RASSF3: variants seen among roughly 807,000 people sequenced by gnomAD.
RASSF3 encodes the protein Ras association domain family member 3.
RASSF3 carries 19 observed loss-of-function variants against 19.9 expected under a neutral mutation model. That is an observed-to-expected ratio of 0.96 (90% CI 0.67 to 1.40). The LOEUF (loss-of-function observed/expected upper bound fraction) is 1.40. Among genes scored for constraint, RASSF3 ranks in the 40% most tolerant of loss-of-function variants. RASSF3 has a pLI of 0.00. For missense variants in RASSF3, 306 were observed against 289.8 expected (o/e 1.06, Z -0.41); for synonymous variants, 110 against 104.2 (o/e 1.06, Z -0.34).
intron 1 of RASSF3, among the ~76,000 whole-genome samples, chr12:64,620,014 C>CTGTGTGTGTGTGTGTGTGTG (rs68044550): frequency 0.052 from 7,016 of 134,028 alleles, 254 homozygotes; most frequent in Non-Finnish European, 0.074. Context: ...TGCAGGTTGA[C>CTGTGTGTGTGTGTGTGTGTG]TGTGTGTGTG....
upstream of RASSF3, among the ~76,000 whole-genome samples, chr12:64,529,463 A>T: frequency 6.6e-6 from 1 of 152,212 alleles, no homozygotes; most frequent in East Asian, 1.9e-4. Context: ...CCATTCAATC[A>T]GAGCCAATCC....
chr12:64,682,287 G>T (rs1056619002), intron 1 of RASSF3, among the ~76,000 whole-genome samples: 13 of 152,110 alleles, frequency 8.5e-5, no homozygotes, highest in Non-Finnish European at 1.6e-4. Flanking sequence ...GATAGGCCGG[G>T]CGCCACGAGA....
intron 1 of RASSF3, among the ~76,000 whole-genome samples, chr12:64,523,832 C>T (rs1377917918): frequency 1.3e-5 from 2 of 151,712 alleles, no homozygotes; most frequent in Non-Finnish European, 2.9e-5. Flanking sequence ...CTCAGCTTCC[C>T]GAGTAGCTGG....
At chr12:64,529,285 C>A (rs79832878), upstream of RASSF3, among the ~76,000 whole-genome samples, 693 of 152,240 alleles carry the variant, frequency 4.6e-3, 4 homozygotes, top group African/African-American at 0.016. Context: ...CCACATTAAG[C>A]TAATTATTAC....
Position 64,517,428 on chromosome 12 carries a change from GA to G in RASSF3, c.169+10102del, listed in dbSNP as rs370833072. Among the ~76,000 whole-genome samples, 143 of 152,044 alleles carry G rather than the reference GA, an allele frequency of 9.4e-4. 1 individual carries two copies. Among genetic ancestry groups the G allele is most frequent in the African/African-American group, 3.3e-3 (138 of 41,494 alleles). On this transcript the variant is annotated intron_variant, in intron 1 of 5. Coordinates refer to the RASSF3 transcript ENST00000637125. Reference sequence around the variant, plus strand: ...TGGAAGAATAAACATGGAAGAATATGAAAGAAGATATTAACCCTACCAGATA... The same window carrying G: ...TGGAAGAATAAACATGGAAGAATATGAAGAAGATATTAACCCTACCAGATA...
chr12:64,673,258 T>A lies in RASSF3; in HGVS notation c.112-11529T>A, dbSNP rs1260155339. On this transcript the variant is annotated intron_variant, in intron 1 of 4. Coordinates refer to ENST00000542104, the MANE Select transcript of RASSF3 (RefSeq NM_178169.4). ...CTGGGTGACGCCTTGAACAGTGAGA[T>A]GTTATATATAATCTTGAATTTGGGG... 3.9e-5 allele frequency among the ~76,000 whole-genome samples: 6 copies of A among 152,288 alleles called. No individual in the cohort carries two copies. The East Asian group carries it at 5.8e-4, about 15-fold the overall frequency.
intron 2 of RASSF3, among the ~76,000 whole-genome samples, chr12:64,581,587 T>C (rs939390153): frequency 1.3e-5 from 2 of 152,000 alleles, no homozygotes; most frequent in African/African-American, 4.8e-5. Context: ...GGTATGGTGG[T>C]GTATGCCTGC....
At chr12:64,551,571 G>A (rs1869164170) in intron 2 of RASSF3, among the ~76,000 whole-genome samples, 1 of 152,120 alleles carries the variant, frequency 6.6e-6, no homozygotes, top group Non-Finnish European at 1.5e-5. Flanking sequence ...GTAAGACCCT[G>A]TCTCAAAAAT....
At chr12:64,520,122 C>T (rs1476056353) in intron 1 of RASSF3, among the ~76,000 whole-genome samples, 1 of 151,294 alleles carries the variant, frequency 6.6e-6, no homozygotes, top group Admixed American at 6.6e-5. Context: ...ATGGTAGCCT[C>T]TAAATCTAGC....
At chr12:64,542,185 A>C (rs1254555708), downstream of RASSF3, among the ~76,000 whole-genome samples, 1 of 152,148 alleles carries the variant, frequency 6.6e-6, no homozygotes, top group African/African-American at 2.4e-5. Context: ...GTGTGGTGGC[A>C]TGTGCCTGTG....
At chr12:64,690,338 T>C (rs972386862) in intron 3 of RASSF3, among the ~76,000 whole-genome samples, 6 of 151,976 alleles carry the variant, frequency 3.9e-5, no homozygotes, top group Non-Finnish European at 8.8e-5. Context: ...CCCACCACCA[T>C]GCCCAGCTAA....
At chr12:64,595,602 A>G (rs963274494) in intron 2 of RASSF3, among the ~76,000 whole-genome samples, 10 of 152,128 alleles carry the variant, frequency 6.6e-5, no homozygotes, top group East Asian at 5.8e-4. Flanking sequence ...TTTTTTGTCA[A>G]TCTAATTTGT....
chr12:64,522,869 A>T (rs931402848), intron 1 of RASSF3, among the ~76,000 whole-genome samples: 2 of 152,158 alleles, frequency 1.3e-5, no homozygotes, highest in African/African-American at 4.8e-5. Flanking sequence ...AAAGGTGGGG[A>T]AAAGTGTATC....
chr12:64,574,411 T>C (rs763438078), intron 2 of RASSF3, among the ~76,000 whole-genome samples: 20 of 151,990 alleles, frequency 1.3e-4, no homozygotes, highest in Non-Finnish European at 2.5e-4. Flanking sequence ...ATTCTGGAAA[T>C]AAGATATAAA....
intron 1 of RASSF3, among the ~76,000 whole-genome samples, chr12:64,641,622 C>T (rs1333612513): frequency 2.1e-5 from 3 of 140,704 alleles, no homozygotes; most frequent in African/African-American, 5.3e-5. Context: ...ATGGTGAGAC[C>T]CCATCTCTCT....
intron 1 of RASSF3, among the ~76,000 whole-genome samples, chr12:64,672,567 A>C (rs1172434175): frequency 6.6e-6 from 1 of 152,120 alleles, no homozygotes; most frequent in Non-Finnish European, 1.5e-5. Flanking sequence ...TCTGTTGCCC[A>C]GGCTGAGTCA....
chr12:64,519,046 C>G (rs933043726), intron 1 of RASSF3, among the ~76,000 whole-genome samples: 3 of 152,140 alleles, frequency 2.0e-5, no homozygotes, highest in African/African-American at 4.8e-5. Context: ...CATGATTGAT[C>G]ATGCATGGGT....
intron 1 of RASSF3, among the ~76,000 whole-genome samples, chr12:64,635,781 G>T (rs1746500782): frequency 1.3e-5 from 2 of 152,174 alleles, no homozygotes; most frequent in African/African-American, 4.8e-5. Flanking sequence ...TTGTGCATGT[G>T]TGTGGAGCCT....
intron 1 of RASSF3, among the ~76,000 whole-genome samples, chr12:64,666,786 C>G (rs1190572086): frequency 2.0e-5 from 3 of 152,176 alleles, no homozygotes; most frequent in Non-Finnish European, 4.4e-5. Flanking sequence ...CTGTTGTATT[C>G]CAGTGCCTGA....
Sources: allele counts gnomAD v4.1 joint callset (sites outside exome capture counted in the v4.1 genomes callset), GRCh38; gene constraint gnomAD v4.1.1; transcripts MANE v1.5; gene names NCBI Gene and HGNC (gene_info 2026-07-23, HGNC 2026-07-21).